The following CYP39A1 variants were observed in gnomAD, a reference collection of about 807,000 sequenced individuals.
The protein encoded by CYP39A1 is cytochrome P450 family 39 subfamily A member 1.
A neutral mutation model predicts 58.1 loss-of-function variants in CYP39A1; 49 were observed. That is an observed-to-expected ratio of 0.84 (90% CI 0.67 to 1.07). CYP39A1 has a LOEUF of 1.07. Among genes scored for constraint, CYP39A1 ranks in the 50% least tolerant of loss-of-function variants. The pLI, the probability that CYP39A1 is intolerant of heterozygous loss-of-function variation, is 0.00. For synonymous variants in CYP39A1, 209 were observed against 187.6 expected, an observed-to-expected ratio of 1.11 and a Z score of -0.93; for missense variants, 531 against 539.4, an observed-to-expected ratio of 0.98 and a Z score of 0.16.
rs759666509 is a variant in CYP39A1 at position 46,636,514 on chromosome 6, T to C, written c.639-32A>G. The C allele has an allele frequency of 8.5e-6, 12 of 1,416,728 alleles. No homozygotes were observed. The East Asian group carries it at 2.3e-4, about 27-fold the overall frequency. 87.8% of individuals were successfully genotyped at this position (1,416,728 alleles called of 1,614,324 possible). A position where few individuals can be genotyped will look rare whatever the true frequency, so the allele number is the denominator to read the frequency against. The stretch of plus-strand genomic sequence containing the variant: ...GAGAAAAAATATATATAGAAATTAA[T>C]TGGAAAGCACTTTAGGAATAACAGG... On this transcript the variant is annotated intron_variant, in intron 4 of 11. Transcript: ENST00000275016.
chr6:46,585,119 T>C (rs923893061), intron 10 of CYP39A1, among the ~76,000 whole-genome samples: 1 of 152,100 alleles, frequency 6.6e-6, no homozygotes, highest in East Asian at 1.9e-4. Context: ...ACCAATTACT[T>C]TCAAACTCAA....
At chr6:46,575,066 C>T (rs1410834058) in intron 10 of CYP39A1, among the ~76,000 whole-genome samples, 1 of 152,074 alleles carries the variant, frequency 6.6e-6, no homozygotes, top group African/African-American at 2.4e-5. Flanking sequence ...GCCCAAGAGC[C>T]TCCTAAAGAA....
intron 10 of CYP39A1, 43 bp from the exon 11 acceptor site, chr6:46,553,897 T>A: frequency 1.6e-6 from 2 of 1,253,742 alleles, no homozygotes; most frequent in Non-Finnish European, 2.3e-6. Context: ...GTGAAAGATG[T>A]ATAAATATCT....
At chr6:46,631,338 T>C (rs1775650430) in intron 5 of CYP39A1, among the ~76,000 whole-genome samples, 1 of 152,228 alleles carries the variant, frequency 6.6e-6, no homozygotes, top group South Asian at 2.1e-4. Context: ...CAAGCTACTT[T>C]AATCTCTCTG....
intron 2 of CYP39A1, among the ~76,000 whole-genome samples, chr6:46,641,330 T>C (rs1242102935): frequency 6.6e-6 from 1 of 152,112 alleles, no homozygotes; most frequent in Non-Finnish European, 1.5e-5. Context: ...CAACAGGTTG[T>C]GATGATCATG....
At chr6:46,567,384 G>C (rs948648079) in intron 10 of CYP39A1, among the ~76,000 whole-genome samples, 4 of 151,952 alleles carry the variant, frequency 2.6e-5, no homozygotes, top group African/African-American at 4.8e-5. Context: ...TCAACACTTT[G>C]GTTGTTTTAA....
intron 7 of CYP39A1, among the ~76,000 whole-genome samples, chr6:46,607,648 A>C (rs1773930405): frequency 1.3e-5 from 2 of 152,310 alleles, no homozygotes; most frequent in Admixed American, 1.3e-4. Context: ...TTACTAACTC[A>C]TTCAGACCTT....
chr6:46,593,621 T>G (rs1383829098), intron 8 of CYP39A1, among the ~76,000 whole-genome samples: 3 of 152,174 alleles, frequency 2.0e-5, no homozygotes, highest in Non-Finnish European at 4.4e-5. Context: ...TTTACAAAAT[T>G]TGGATTTTTA....
chr6:46,558,038 A>G (rs561937695), intron 10 of CYP39A1, among the ~76,000 whole-genome samples: 1 of 152,156 alleles, frequency 6.6e-6, no homozygotes, highest in East Asian at 1.9e-4. Flanking sequence ...AAAAAAATTA[A>G]GTAGCCAGAA....
At chr6:46,626,327 G>T (rs1476811941) in intron 6 of CYP39A1, among the ~76,000 whole-genome samples, 1 of 151,952 alleles carries the variant, frequency 6.6e-6, no homozygotes, top group Non-Finnish European at 1.5e-5. Context: ...AAGAAGTGTG[G>T]GTTTCACTTT....
At chr6:46,559,150 G>A (rs1004442022) in intron 10 of CYP39A1, among the ~76,000 whole-genome samples, 5 of 152,138 alleles carry the variant, frequency 3.3e-5, no homozygotes, top group Admixed American at 1.3e-4. Flanking sequence ...GCCTGTGCCC[G>A]CAATGAACAG....
At chr6:46,626,049 C>A (rs1172691006) in intron 6 of CYP39A1, among the ~76,000 whole-genome samples, 6 of 146,164 alleles carry the variant, frequency 4.1e-5, no homozygotes, top group Admixed American at 4.0e-4. Context: ...AAAACAAAGT[C>A]CTTTTTTTTG....
intron 10 of CYP39A1, among the ~76,000 whole-genome samples, chr6:46,560,736 G>A (rs1370403426): frequency 6.6e-6 from 1 of 152,018 alleles, no homozygotes; most frequent in Admixed American, 6.6e-5. Flanking sequence ...AAGCCATGGG[G>A]CAGTATGAGA....
intron 10 of CYP39A1, among the ~76,000 whole-genome samples, chr6:46,554,816 T>TA (rs1354600841): frequency 6.6e-6 from 1 of 152,120 alleles, no homozygotes; most frequent in East Asian, 1.9e-4. Flanking sequence ...GTCCTTTTTT[T>TA]ATGGTTCTCC....
At position 46,588,104 on chromosome 6, in the gene CYP39A1, A is replaced by G. The variant is rs1277382468; in HGVS notation, c.1091T>C (p.Leu364Ser). The G allele has an allele frequency of 1.9e-6, 3 of 1,595,620 alleles. No individual in the cohort carries two copies. The African/African-American group carries it at 4.0e-5, about 21-fold the overall frequency. ...CAGCCAAAATGGAGACAACATCAACAAGTCACCAGAAGGAATGATGTAATT... is the reference window on the plus strand; with the variant it reads ...CAGCCAAAATGGAGACAACATCAACGAGTCACCAGAAGGAATGATGTAATT... ...ILNYIIPSGD[L>S]LMLSPFWLHR... The change falls in exon 9 of 12, where the codon TTG (leucine) becomes TCG (serine). Residue 364 changes from leucine to serine, a missense_variant. Coordinates refer to ENST00000275016, the MANE Select transcript of CYP39A1 (RefSeq NM_016593.5).
chr6:46,635,932 C>T (rs1775957649), intron 5 of CYP39A1, among the ~76,000 whole-genome samples: 1 of 152,130 alleles, frequency 6.6e-6, no homozygotes. Context: ...ATTTGAAGAA[C>T]CACAGATCTG....
chr6:46,562,621 T>A (rs964031860), intron 10 of CYP39A1, among the ~76,000 whole-genome samples: 1 of 150,912 alleles, frequency 6.6e-6, no homozygotes, highest in Non-Finnish European at 1.5e-5. Flanking sequence ...ATAAATAAAA[T>A]AAACAAATAA....
chr6:46,650,719 T>C (rs13204743), intron 1 of CYP39A1, among the ~76,000 whole-genome samples: 53,031 of 151,456 alleles, frequency 0.35, 9,622 homozygotes, highest in South Asian at 0.5. Flanking sequence ...TCTTGCTATA[T>C]CTCCCGGGCT....
intron 1 of CYP39A1, 92 bp downstream of exon 1, chr6:46,652,314 T>A: frequency 3.2e-6 from 4 of 1,246,486 alleles, no homozygotes; most frequent in Middle Eastern, 2.7e-4. Context: ...ATGTTCCCCG[T>A]GTTCTAGCCC....
Sources: allele counts gnomAD v4.1 joint callset (sites outside exome capture counted in the v4.1 genomes callset), GRCh38; gene constraint gnomAD v4.1.1; transcripts MANE v1.5; gene names NCBI Gene and HGNC (gene_info 2026-07-23, HGNC 2026-07-21).